Variants in PRPSAP2 observed in about 807,000 individuals in gnomAD.
PRPSAP2 encodes the protein phosphoribosyl pyrophosphate synthetase associated protein 2.
A neutral mutation model predicts 40.6 loss-of-function variants in PRPSAP2; 24 were observed. That is an observed-to-expected ratio of 0.59 (90% CI 0.43 to 0.83). PRPSAP2 has a LOEUF of 0.83. Among genes scored for constraint, PRPSAP2 ranks in the 40% least tolerant of loss-of-function variants. The pLI is 0.00. For missense variants in PRPSAP2, 292 were observed against 465.6 expected (o/e 0.63, Z 3.43); for synonymous variants, 149 against 164.7 (o/e 0.90, Z 0.73).
chr17:18,890,899 C>A, intron 8 of PRPSAP2, among the ~76,000 whole-genome samples: 1 of 152,098 alleles, frequency 6.6e-6, no homozygotes, highest in East Asian at 1.9e-4. Context: ...AAGGGGGAGC[C>A]TTGAGAGTCA....
chr17:18,896,987 T>C (rs1371798478), intron 8 of PRPSAP2, among the ~76,000 whole-genome samples: 2 of 152,076 alleles, frequency 1.3e-5, no homozygotes, highest in African/African-American at 4.8e-5. Flanking sequence ...TGAGACAGGG[T>C]CTCACTCTGA....
rs767827550 is a variant in PRPSAP2, at chr17:18,889,863, A to G, written c.570A>G (p.Pro190=). The change falls in exon 8 of 12, where the codon CCA becomes CCG. Residue 190 remains proline (P), a synonymous_variant. Transcript: ENST00000268835. ...YRNAVIVAKS[P]ASAKRAQSFA... ...ATGCAGTAATCGTGGCCAAGTCTCC[A>G]GCCTCGGCGAAGAGGTAGGTGGGAA... is the stretch of plus-strand genomic sequence containing the variant. 1.9e-6 allele frequency: 3 copies of G among 1,611,318 alleles called. No individual in the cohort carries two copies. Among genetic ancestry groups the G allele is most frequent in the Non-Finnish European group, 2.5e-6 (3 of 1,178,606 alleles).
intron 8 of PRPSAP2, among the ~76,000 whole-genome samples, chr17:18,890,675 A>G (rs886954976): frequency 3.3e-5 from 5 of 152,170 alleles, no homozygotes; most frequent in Non-Finnish European, 7.3e-5. Context: ...TTTTCCCCAG[A>G]CCCAGATTGA....
At chr17:18,861,490 AAAAT>A (rs2037015151) in intron 1 of PRPSAP2, 1 of 152,362 alleles carries the variant, frequency 6.6e-6, no homozygotes, top group African/African-American at 2.4e-5. Flanking sequence ...AAAAAAAAGA[AAAAT>A]AAACAGCCCT....
At chr17:18,881,863 C>T (rs1232458555) in intron 6 of PRPSAP2, among the ~76,000 whole-genome samples, 8 of 123,350 alleles carry the variant, frequency 6.5e-5, no homozygotes, top group African/African-American at 2.2e-4. Context: ...TTTTTTGAGA[C>T]GGAGTCTTGC....
chr17:18,920,554 C>T (rs1017211033), intron 9 of PRPSAP2, among the ~76,000 whole-genome samples: 2 of 152,016 alleles, frequency 1.3e-5, no homozygotes, highest in East Asian at 3.8e-4. Context: ...TGATTGGACA[C>T]CCTACATAGA....
Position 18,889,880 on chromosome 17 carries a change from A to G in PRPSAP2, c.584+3A>G. Reference sequence around the variant, plus strand: ...AAGTCTCCAGCCTCGGCGAAGAGGTAGGTGGGAATCTCACAACCTCTTTCT... The same window carrying G: ...AAGTCTCCAGCCTCGGCGAAGAGGTGGGTGGGAATCTCACAACCTCTTTCT... On this transcript the variant is annotated splice_donor_region_variant and intron_variant, in intron 8 of 11. Coordinates refer to ENST00000268835, the MANE Select transcript of PRPSAP2 (RefSeq NM_002767.4). 6.2e-7 allele frequency: 1 copy of G among 1,610,158 alleles called. No homozygotes were observed. Among genetic ancestry groups the G allele is most frequent in the Non-Finnish European group, 8.5e-7 (1 of 1,177,548 alleles).
intron 7 of PRPSAP2, among the ~76,000 whole-genome samples, chr17:18,884,663 T>C (rs7222748): frequency 0.53 from 80,360 of 152,028 alleles, 21,501 homozygotes; most frequent in Middle Eastern, 0.6. Context: ...ATATTATTCT[T>C]AGTTGAGAGA....
intron 7 of PRPSAP2, among the ~76,000 whole-genome samples, chr17:18,884,471 C>T (rs2038990085): frequency 6.6e-6 from 1 of 152,002 alleles, no homozygotes; most frequent in African/African-American, 2.4e-5. Flanking sequence ...TTCTGAGTAG[C>T]TGAGACTAGA....
At chr17:18,930,296 C>G (rs992885106) in intron 11 of PRPSAP2, among the ~76,000 whole-genome samples, 61 of 152,024 alleles carry the variant, frequency 4.0e-4, no homozygotes, top group Admixed American at 2.0e-4. Context: ...ATGGCATGAA[C>G]CCAGGAGGCA....
chr17:18,890,772 C>T (rs2039497082), intron 8 of PRPSAP2, among the ~76,000 whole-genome samples: 1 of 143,038 alleles, frequency 7.0e-6, no homozygotes, highest in Non-Finnish European at 1.5e-5. Context: ...TTGTTTACTG[C>T]CCCTTATTTG....
intron 1 of PRPSAP2, among the ~76,000 whole-genome samples, chr17:18,861,791 T>C (rs2037040909): frequency 6.6e-6 from 1 of 152,228 alleles, no homozygotes. Context: ...GGCCATCCTG[T>C]GGAAAAGGAA....
At chr17:18,878,757 A>G (rs554652061) in intron 6 of PRPSAP2, among the ~76,000 whole-genome samples, 1 of 152,256 alleles carries the variant, frequency 6.6e-6, no homozygotes, top group African/African-American at 2.4e-5. Flanking sequence ...GGGTTTCTCC[A>G]TGTTGGTCAG....
chr17:18,884,363 G>A (rs1015102528), intron 7 of PRPSAP2, among the ~76,000 whole-genome samples: 2 of 150,990 alleles, frequency 1.3e-5, no homozygotes, highest in African/African-American at 4.8e-5. Context: ...TTTTGAGACA[G>A]GGTCTTTCTC....
In PRPSAP2 at chr17:18,901,471, C is replaced by G. The variant is rs1251770997; in HGVS notation, c.585-9632C>G. Among the ~76,000 whole-genome samples, 3 of 152,110 alleles carry G rather than the reference C, an allele frequency of 2.0e-5. No individual in the cohort carries two copies. The East Asian group carries it at 5.8e-4, about 29-fold the overall frequency. On this transcript the variant is annotated intron_variant, in intron 8 of 11. Transcript: ENST00000268835. ...CTTGGCTCACTGCAAACTCCGCCTC[C>G]CGGGTTCATGCCATTCTCCTGCCTC... is the stretch of plus-strand genomic sequence containing the variant.
chr17:18,926,669 C>T (rs1481676608), intron 10 of PRPSAP2, among the ~76,000 whole-genome samples: 1 of 152,190 alleles, frequency 6.6e-6, no homozygotes, highest in Non-Finnish European at 1.5e-5. Context: ...CATTACCCAG[C>T]ATCCTCCATC....
rs1056042103 is a variant in PRPSAP2 at position 18,861,634 on chromosome 17, A to G, written c.-129+3373A>G. Among the ~76,000 whole-genome samples, 4 of 152,316 alleles carry G rather than the reference A, an allele frequency of 2.6e-5. No homozygotes were observed. In the East Asian group the frequency reaches 7.7e-4, roughly 29 times the overall value. The stretch of plus-strand genomic sequence containing the variant: ...GTGGTCTTAGGTTAGGATTCTATAT[A>G]GAAGCCTATATCTGAAGTCTAGAAC... On this transcript the variant is annotated intron_variant, in intron 1 of 11. Transcript: ENST00000268835.
chr17:18,926,798 GTGTGTT>G (rs968320098), intron 10 of PRPSAP2, among the ~76,000 whole-genome samples: 3 of 151,836 alleles, frequency 2.0e-5, no homozygotes, highest in Non-Finnish European at 4.4e-5. Flanking sequence ...GTGTGTGTGT[GTGTGTT>G]TGTGTTTGTG....
At chr17:18,928,789 T>A in intron 10 of PRPSAP2, 22 bp from the exon 11 acceptor site, 6 of 1,612,628 alleles carry the variant, frequency 3.7e-6, no homozygotes, top group Non-Finnish European at 5.1e-6. Flanking sequence ...ATATACATTC[T>A]TTTCCATCTG....
Sources: gnomAD v4.1 joint callset for allele counts (sites outside exome capture counted in the v4.1 genomes callset) on GRCh38, gnomAD v4.1.1 for gene constraint, MANE v1.5 for transcripts, NCBI Gene and HGNC (gene_info 2026-07-23, HGNC 2026-07-21) for gene names.